The following SYNE1 variants were observed in gnomAD, a reference collection of about 807,000 sequenced individuals.
SYNE1 encodes spectrin repeat containing nuclear envelope protein 1.
SYNE1 carries 616 observed loss-of-function variants against 1,111.0 expected under a neutral mutation model. That is an observed-to-expected ratio of 0.55 (90% CI 0.52 to 0.59). The LOEUF is 0.59. SYNE1 is among the 20% of genes least tolerant of loss of function. The probability of loss-of-function intolerance (pLI) is 0.00; values close to 1 mark genes in which losing one functional copy is unlikely to be tolerated. For missense variants in SYNE1, 10,006 were observed against 10,417.0 expected (o/e 0.96, Z 1.72); for synonymous variants, 3,855 against 3,825.8 (o/e 1.01, Z -0.28).
chr6:152,496,505 A>G (rs148682605), intron 11 of SYNE1, among the ~76,000 whole-genome samples: 1,943 of 152,112 alleles, frequency 0.013, 35 homozygotes, highest in African/African-American at 0.044. Flanking sequence ...TAGTTTCTCA[A>G]TTCACACAAA....
At position 152,167,849 on chromosome 6, in the gene SYNE1, T is replaced by C. The variant is rs752981563; in HGVS notation, c.23628-3524A>G. On this transcript the variant is annotated intron_variant, in intron 130 of 145. Coordinates refer to ENST00000367255, the MANE Select transcript of SYNE1 (RefSeq NM_182961.4). ...CTAGCCATACTCCTTGTATGACGCA[T>C]ACGGTCCAGAGACAACTGGAATACA... The C allele has an allele frequency of 7.6e-6, 5 of 660,998 alleles. No homozygotes were observed. In the African/African-American group the frequency reaches 8.9e-5, roughly 12 times the overall value. The allele number at this position is 660,998 out of a possible 1,614,324, so 40.9% of individuals were successfully genotyped here.
intron 6 of SYNE1, among the ~76,000 whole-genome samples, chr6:152,516,567 A>G (rs1330650682): frequency 6.6e-6 from 1 of 152,098 alleles, no homozygotes; most frequent in Non-Finnish European, 1.5e-5. Context: ...AATGACCTGA[A>G]AAACTCTATC....
chr6:152,220,397 T>A (rs2079876453), intron 119 of SYNE1, among the ~76,000 whole-genome samples: 1 of 152,152 alleles, frequency 6.6e-6, no homozygotes. Context: ...TACCAGTAAA[T>A]TAGGAGAGAA....
At chr6:152,262,730 G>A (rs900847944) in intron 100 of SYNE1, among the ~76,000 whole-genome samples, 10 of 151,366 alleles carry the variant, frequency 6.6e-5, no homozygotes, top group Admixed American at 1.3e-4. Flanking sequence ...TACAGGACAC[G>A]GGAATGATCA....
intron 122 of SYNE1, 109 bp downstream of exon 122, chr6:152,214,797 T>C: frequency 6.8e-7 from 1 of 1,461,578 alleles, no homozygotes; most frequent in Non-Finnish European, 9.5e-7. Flanking sequence ...TGTGAGACTG[T>C]TCAACATTTC....
chr6:152,138,650 C>T (rs970779682), intron 140 of SYNE1, among the ~76,000 whole-genome samples: 1 of 151,978 alleles, frequency 6.6e-6, no homozygotes, highest in Non-Finnish European at 1.5e-5. Context: ...AACACAAAAG[C>T]AGCACACACT....
chr6:152,176,650 T>C, intron 129 of SYNE1, 90 bp from the exon 130 acceptor site: 4 of 1,314,450 alleles, frequency 3.0e-6, no homozygotes, highest in Non-Finnish European at 4.4e-6. Context: ...ATTACTGCTT[T>C]CTACTGCTTG....
At chr6:152,568,211 A>G (rs2099423843) in intron 3 of SYNE1, among the ~76,000 whole-genome samples, 1 of 151,806 alleles carries the variant, frequency 6.6e-6, no homozygotes, top group Non-Finnish European at 1.5e-5. Context: ...TATCCAACAT[A>G]TTATAAACAT....
chr6:152,267,953 T>C, intron 100 of SYNE1, 103 bp downstream of exon 100: 3 of 1,011,294 alleles, frequency 3.0e-6, no homozygotes, highest in Admixed American at 1.9e-5. Context: ...ATGACTAAAT[T>C]TTGCAGAAGA....
intron 62 of SYNE1, chr6:152,366,977 T>C: frequency 1.5e-6 from 1 of 678,802 alleles, no homozygotes; most frequent in Middle Eastern, 2.4e-4. Context: ...TCTTAACAAG[T>C]GATCACACAA....
intron 3 of SYNE1, among the ~76,000 whole-genome samples, chr6:152,587,259 T>G (rs1339721692): frequency 6.6e-6 from 1 of 152,208 alleles, no homozygotes; most frequent in Non-Finnish European, 1.5e-5. Context: ...TCCTTTTTGT[T>G]GCTTTTGATA....
intron 56 of SYNE1, chr6:152,380,555 G>C (rs1048422270): frequency 5.4e-6 from 1 of 186,260 alleles, no homozygotes; most frequent in South Asian, 1.1e-4. Flanking sequence ...AGAGCTAATC[G>C]GGGAGATAAC....
chr6:152,540,117 G>T, intron 3 of SYNE1, 96 bp from the exon 4 acceptor site: 1 of 1,264,626 alleles, frequency 7.9e-7, no homozygotes, highest in Non-Finnish European at 1.1e-6. Flanking sequence ...AAGGAATCGT[G>T]AAATCGTTTT....
Position 152,214,396 on chromosome 6 carries a change from A to G in SYNE1, c.22346+510T>C, listed in dbSNP as rs536030093. On this transcript the variant is annotated intron_variant, in intron 122 of 145. Transcript: ENST00000367255. ...TCCCACTTTTAGTTCAAATTTTGTC[A>G]GTGTTATGGGAAAGATCAGAATTTA... 2.6e-5 allele frequency among the ~76,000 whole-genome samples: 4 copies of G among 152,300 alleles called. No individual in the cohort carries two copies. The South Asian group carries it at 8.3e-4, about 32-fold the overall frequency.
intron 2 of SYNE1, among the ~76,000 whole-genome samples, chr6:152,634,426 C>T (rs2099702844): frequency 2.0e-5 from 3 of 152,156 alleles, no homozygotes; most frequent in Admixed American, 2.0e-4. Flanking sequence ...AAGTCTTTTG[C>T]TGAAGAGAGT....
chr6:152,145,196 T>C (rs1248412009), intron 137 of SYNE1: 10 of 434,858 alleles, frequency 2.3e-5, no homozygotes, highest in South Asian at 1.1e-4. Context: ...GGCTGATGAC[T>C]GGGTTTTCCT....
At position 152,433,848 on chromosome 6, in the gene SYNE1, T is replaced by C; in HGVS notation, c.4408A>G (p.Asn1470Asp). Reference protein sequence around the residue: ...VWITEKEKELNALETSSSAMD... With the variant: ...VWITEKEKELDALETSSSAMD... ...GCAGATGACGAAGTTTCCAAGGCAT[T>C]GAGTTCTTTTTCTTTCTCAGTTATC... The change falls in exon 34 of 146, where the codon AAT becomes GAT. Residue 1470 changes from asparagine (N) to aspartate (D), a missense_variant. Physicochemically the swap from Asn to Asp is conservative, Grantham distance 23 (BLOSUM62 1). Around this residue, in one of 7 missense-constraint regions of SYNE1, gnomAD observed 1,971 missense variants for 2,084.1 expected, o/e 0.95. Transcript: ENST00000367255. 1 of 1,613,912 alleles carries C rather than the reference T, an allele frequency of 6.2e-7. No individual in the cohort carries two copies. The highest frequency in any genetic ancestry group is 1.1e-5 in the South Asian group (1 of 91,074).
At chr6:152,360,282 T>C (rs1012579891) in intron 64 of SYNE1, among the ~76,000 whole-genome samples, 1 of 152,184 alleles carries the variant, frequency 6.6e-6, no homozygotes, top group Non-Finnish European at 1.5e-5. Context: ...GCCTACTCTC[T>C]GCTGCAACAA....
rs749838365 is a variant in SYNE1, at chr6:152,122,686, G to C, written c.26154-10C>G. 1 of 1,613,758 alleles carries C rather than the reference G, an allele frequency of 6.2e-7. No homozygotes were observed. The highest frequency in any genetic ancestry group is 8.5e-7 in the Non-Finnish European group (1 of 1,179,884). On this transcript the variant is annotated splice_polypyrimidine_tract_variant and intron_variant, in intron 145 of 145. Transcript: ENST00000367255. ...GCCACCTTTTGTGGACCTGAGAGAA[G>C]AATGGACATAAATTACTCAGATAAC...
Sources: allele counts gnomAD v4.1 joint callset (sites outside exome capture counted in the v4.1 genomes callset), GRCh38; gene constraint gnomAD v4.1.1; regional missense constraint gnomAD v4.1.1; transcripts MANE v1.5; gene names NCBI Gene and HGNC (gene_info 2026-07-23, HGNC 2026-07-21).